RANBP2: variants seen among roughly 807,000 people sequenced by gnomAD.
The protein encoded by RANBP2 is E3 SUMO-protein ligase RanBP2.
In RANBP2, 57 loss-of-function variants were observed where a neutral mutation model predicts 303.6. The ratio of observed to expected loss-of-function variants is 0.19; its 90% confidence interval spans 0.15 to 0.23. The LOEUF (loss-of-function observed/expected upper bound fraction) is 0.23. Among genes scored for constraint, RANBP2 ranks in the 10% least tolerant of loss-of-function variants. The pLI, the probability that RANBP2 is intolerant of heterozygous loss-of-function variation, is 1.00. For missense variants in RANBP2, 3,138 were observed against 3,780.8 expected, an observed-to-expected ratio of 0.83 and a Z score of 4.46; for synonymous variants, 1,167 against 1,301.5, an observed-to-expected ratio of 0.90 and a Z score of 2.23.
the RANBP2 span, among the ~76,000 whole-genome samples, chr2:109,533,250 G>T: frequency 6.6e-6 from 1 of 152,230 alleles, no homozygotes; most frequent in Non-Finnish European, 1.5e-5. Context: ...CCCGTGGAGG[G>T]CACTTGCCCT....
At chr2:109,209,175 A>G in the RANBP2 span, among the ~76,000 whole-genome samples, 1 of 152,194 alleles carries the variant, frequency 6.6e-6, no homozygotes, top group South Asian at 2.1e-4. Context: ...CCTGGGCATC[A>G]TAGTTGTGTA....
chr2:109,507,005 G>T, the RANBP2 span, among the ~76,000 whole-genome samples: 1 of 152,216 alleles, frequency 6.6e-6, no homozygotes, highest in African/African-American at 2.4e-5. Context: ...GCTGGGCAGG[G>T]TCCATGCCAG....
At chr2:109,228,545 A>G in the RANBP2 span, among the ~76,000 whole-genome samples, 1 of 152,146 alleles carries the variant, frequency 6.6e-6, no homozygotes, top group Non-Finnish European at 1.5e-5. Context: ...TGGAGCTAGT[A>G]TGGACCCTGC....
chr2:109,490,059 C>CT, the RANBP2 span, among the ~76,000 whole-genome samples: 1 of 152,162 alleles, frequency 6.6e-6, no homozygotes, highest in East Asian at 1.9e-4. Context: ...TTGGTCTTAG[C>CT]TTTGTTTTCC....
chr2:108,735,282 C>G (rs915270415), intron 4 of RANBP2, among the ~76,000 whole-genome samples: 16 of 152,182 alleles, frequency 1.1e-4, no homozygotes, highest in African/African-American at 3.4e-4. Context: ...TGGCATTAGT[C>G]CTGGTAGTCT....
the RANBP2 span, among the ~76,000 whole-genome samples, chr2:109,652,226 TG>T: frequency 1.4e-5 from 2 of 144,212 alleles, no homozygotes; most frequent in African/African-American, 5.7e-5. Context: ...GATTTTTGTT[TG>T]TTTTTTTTTT....
At chr2:109,095,201 T>C in the RANBP2 span, among the ~76,000 whole-genome samples, 1 of 152,222 alleles carries the variant, frequency 6.6e-6, no homozygotes, top group African/African-American at 2.4e-5. Context: ...TCAGACCTTA[T>C]CTTCACTTCG....
the RANBP2 span, among the ~76,000 whole-genome samples, chr2:109,150,417 A>G: frequency 6.6e-6 from 1 of 152,170 alleles, no homozygotes; most frequent in Non-Finnish European, 1.5e-5. Flanking sequence ...TTTATTTATG[A>G]GCCTGGAACT....
the RANBP2 span, among the ~76,000 whole-genome samples, chr2:109,246,656 C>G: frequency 3.3e-5 from 5 of 152,214 alleles, no homozygotes; most frequent in Non-Finnish European, 2.9e-5. Flanking sequence ...TCTTATTTGA[C>G]CTGTGGACTT....
chr2:109,163,459 C>A, the RANBP2 span, among the ~76,000 whole-genome samples: 10 of 125,312 alleles, frequency 8.0e-5, no homozygotes, highest in East Asian at 4.5e-4. Flanking sequence ...AGTGCAGTGG[C>A]GGGATCTCGG....
chr2:109,381,237 G>A, the RANBP2 span, among the ~76,000 whole-genome samples: 7 of 152,236 alleles, frequency 4.6e-5, no homozygotes, highest in South Asian at 6.2e-4. Flanking sequence ...CTGCTGGAGC[G>A]TCTGGCCTGC....
At chr2:108,974,212 C>A in the RANBP2 span, among the ~76,000 whole-genome samples, 8 of 150,884 alleles carry the variant, frequency 5.3e-5, no homozygotes, top group African/African-American at 1.7e-4. Context: ...CGCCTGTAGT[C>A]CCAGCTAGTT....
At chr2:108,816,358 G>A in the RANBP2 span, among the ~76,000 whole-genome samples, 1 of 152,114 alleles carries the variant, frequency 6.6e-6, no homozygotes, top group Non-Finnish European at 1.5e-5. Context: ...GGCTGAGGCA[G>A]GAGAAACGCT....
At chr2:109,151,571 T>C in the RANBP2 span, among the ~76,000 whole-genome samples, 1 of 152,260 alleles carries the variant, frequency 6.6e-6, no homozygotes, top group Admixed American at 6.5e-5. Context: ...TGTCGGCATG[T>C]AGTTACTATG....
the RANBP2 span, among the ~76,000 whole-genome samples, chr2:109,278,042 T>A: frequency 6.8e-6 from 1 of 147,614 alleles, no homozygotes; most frequent in Non-Finnish European, 1.5e-5. Context: ...CCAGGCATAG[T>A]GTCATGCACC....
At chr2:109,315,617 G>A in the RANBP2 span, among the ~76,000 whole-genome samples, 2 of 152,238 alleles carry the variant, frequency 1.3e-5, 1 homozygote, top group Middle Eastern at 6.3e-3. Context: ...GATGCACAAG[G>A]ACGTGTGTGT....
At chr2:109,652,441 G>A in the RANBP2 span, among the ~76,000 whole-genome samples, 373 of 152,218 alleles carry the variant, frequency 2.5e-3, 2 homozygotes, top group Non-Finnish European at 4.8e-3. Context: ...TAGCCAGGAT[G>A]GTCTTGATCT....
At chr2:108,870,285 G>A in the RANBP2 span, among the ~76,000 whole-genome samples, 5 of 152,094 alleles carry the variant, frequency 3.3e-5, no homozygotes, top group Non-Finnish European at 7.4e-5. Flanking sequence ...TGAACTTGAA[G>A]GCAAGTTATT....
chr2:109,052,335 T>G, the RANBP2 span, among the ~76,000 whole-genome samples: 1 of 152,192 alleles, frequency 6.6e-6, no homozygotes, highest in Admixed American at 6.5e-5. Context: ...GATGGTACAA[T>G]TTATAGAAAG....
Sources: gnomAD v4.1 joint callset for allele counts (sites outside exome capture counted in the v4.1 genomes callset) on GRCh38, gnomAD v4.1.1 for gene constraint, MANE v1.5 for transcripts, NCBI Gene and HGNC (gene_info 2026-07-23, HGNC 2026-07-21) for gene names.